The following AHNAK variants were observed in gnomAD, a reference collection of about 807,000 sequenced individuals.
AHNAK encodes neuroblast differentiation-associated protein AHNAK.
AHNAK carries 23 observed loss-of-function variants against 37.8 expected under a neutral mutation model. That is an observed-to-expected ratio of 0.61 (90% CI 0.44 to 0.86). AHNAK has a LOEUF of 0.86. Among genes scored for constraint, AHNAK ranks in the 40% least tolerant of loss-of-function variants. The probability of loss-of-function intolerance (pLI) is 0.00; values close to 1 mark genes in which losing one functional copy is unlikely to be tolerated. For missense variants in AHNAK, 7,411 were observed against 7,319.4 expected (o/e 1.01, Z -0.46); for synonymous variants, 2,481 against 2,636.3 (o/e 0.94, Z 1.80).
chr11:62,514,994 G>A (rs1039267383), downstream of AHNAK, among the ~76,000 whole-genome samples: 1 of 152,160 alleles, frequency 6.6e-6, no homozygotes, highest in Non-Finnish European at 1.5e-5. Context: ...GGCAGAAATG[G>A]GGCATCTCTA....
At chr11:62,475,698 G>T (rs1939130046) in intron 5 of AHNAK, among the ~76,000 whole-genome samples, 2 of 141,616 alleles carry the variant, frequency 1.4e-5, no homozygotes, top group South Asian at 2.3e-4. Flanking sequence ...TCTGCCTTCT[G>T]GTCTCAGGTG....
chr11:62,495,354 TAGAA>T (rs1365675680), intron 4 of AHNAK, among the ~76,000 whole-genome samples: 1 of 152,212 alleles, frequency 6.6e-6, no homozygotes, highest in Non-Finnish European at 1.5e-5. Context: ...AGTTATCCTA[TAGAA>T]AGCATGGCTT....
intron 4 of AHNAK, among the ~76,000 whole-genome samples, chr11:62,505,399 T>C (rs1235467499): frequency 6.6e-6 from 1 of 152,178 alleles, no homozygotes; most frequent in South Asian, 2.1e-4. Flanking sequence ...CAGGGTCTCA[T>C]GCCCTTGATT....
chr11:62,515,624 C>A (rs1939995817), downstream of AHNAK, among the ~76,000 whole-genome samples: 1 of 152,206 alleles, frequency 6.6e-6, no homozygotes, highest in African/African-American at 2.4e-5. Flanking sequence ...CATTTAGAAC[C>A]AATTCTGAAT....
intron 5 of AHNAK, among the ~76,000 whole-genome samples, chr11:62,454,286 G>T (rs563855460): frequency 6.6e-6 from 1 of 150,420 alleles, no homozygotes. Flanking sequence ...GGTGGCGGGC[G>T]CCTGTAGTCC....
rs375299161 is a variant in AHNAK at position 62,534,989 on chromosome 11, G to A, written c.342+14C>T. Reference sequence around the variant, plus strand: ...GGGGAGCTCAGGGCACAGATGGGCCGGCGAGGTACTCACCAGAACCACTTC... The same window carrying A: ...GGGGAGCTCAGGGCACAGATGGGCCAGCGAGGTACTCACCAGAACCACTTC... On this transcript the variant is annotated intron_variant, in intron 4 of 4. Transcript: ENST00000378024. 5.0e-5 allele frequency: 80 copies of A among 1,595,878 alleles called. No individual in the cohort carries two copies. Among genetic ancestry groups the A allele is most frequent in the African/African-American group, 4.5e-4 (34 of 74,752 alleles).
In AHNAK at chr11:62,524,886, A is replaced by T. The variant is rs981784777; in HGVS notation, c.9531T>A (p.Ala3177=). 6.8e-6 allele frequency: 11 copies of T among 1,614,022 alleles called. No individual in the cohort carries two copies. In the African/African-American group the frequency reaches 1.2e-4, roughly 18 times the overall value. ...CCTTGGGTCCTGAGACGTCAAGGTCAGCCTTGGGCAGGTTCACGTCCACTT... is the reference window on the plus strand; with the variant it reads ...CCTTGGGTCCTGAGACGTCAAGGTCTGCCTTGGGCAGGTTCACGTCCACTT... ...GPEVDVNLPK[A]DLDVSGPKVD... The change falls in exon 5 of 5, where the codon GCT becomes GCA. Residue 3177 remains alanine, a synonymous_variant. Coordinates refer to ENST00000378024, the MANE Select transcript of AHNAK (RefSeq NM_001620.3).
chr11:62,532,895 T>A lies in AHNAK; in HGVS notation c.1522A>T (p.Ser508Cys). 6.2e-7 allele frequency: 1 copy of A among 1,614,156 alleles called. No homozygotes were observed. The highest frequency in any genetic ancestry group is 8.5e-7 in the Non-Finnish European group (1 of 1,180,026). Residue 508 changes from serine to cysteine, a missense_variant, in exon 5 of 5, where the codon AGC becomes TGC. Physicochemically the swap from Ser to Cys is moderately radical, Grantham distance 112 (BLOSUM62 -1). Transcript: ENST00000378024. ...PKISMQDVDL[S>C]LGSPKLKGDI... ...CCTTTCAGTTTAGGAGACCCAAGGCTCAGATCCACATCCTGCATGGAGATT... is the reference window on the plus strand; with the variant it reads ...CCTTTCAGTTTAGGAGACCCAAGGCACAGATCCACATCCTGCATGGAGATT...
chr11:62,453,836 A>T (rs1398412374), intron 5 of AHNAK, among the ~76,000 whole-genome samples: 1 of 152,190 alleles, frequency 6.6e-6, no homozygotes, highest in East Asian at 1.9e-4. Flanking sequence ...AATCCTTCCC[A>T]TCTGGCCGGG....
rs1437635198 is a variant in AHNAK, at chr11:62,530,580, G to T, written c.3837C>A (p.Pro1279=). 1.2e-6 allele frequency: 2 copies of T among 1,609,076 alleles called. No individual in the cohort carries two copies. Among genetic ancestry groups the T allele is most frequent in the African/African-American group, 2.7e-5 (2 of 73,192 alleles). ...GTCCTGAGACATCAATGTCAGCCTTGGGCAGGTTCACATCCACTTCTCGGC... is the reference window on the plus strand; with the variant it reads ...GTCCTGAGACATCAATGTCAGCCTTTGGCAGGTTCACATCCACTTCTCGGC... ...GEGREVDVNL[P]KADIDVSGPK... Residue 1279 remains proline (P), a synonymous_variant, in exon 5 of 5, where the codon CCC becomes CCA. Transcript: ENST00000378024.
chr11:62,515,194 C>G (rs2134186002), downstream of AHNAK, among the ~76,000 whole-genome samples: 1 of 152,244 alleles, frequency 6.6e-6, no homozygotes, highest in South Asian at 2.1e-4. Context: ...CTAAAATGGA[C>G]TAGAAAGAAC....
At position 62,529,062 on chromosome 11, in the gene AHNAK, A is replaced by T. The variant is rs369902005; in HGVS notation, c.5355T>A (p.Asp1785Glu). The stretch of plus-strand genomic sequence containing the variant: ...TGGGTCCCTTCAAATTCAAGTCCAC[A>T]TCTGGCATGGAGACCTTGGGAGCTT... ...NIKAPKVSMP[D>E]VDLNLKGPKL... Residue 1785 changes from aspartate (D) to glutamate (E), a missense_variant, in exon 5 of 5, where the codon GAT becomes GAA. Coordinates refer to ENST00000378024, the MANE Select transcript of AHNAK (RefSeq NM_001620.3). The T allele has an allele frequency of 1.4e-5, 23 of 1,614,086 alleles. No homozygotes were observed. The highest frequency in any genetic ancestry group is 1.9e-5 in the Non-Finnish European group (23 of 1,180,036).
Position 62,522,281 on chromosome 11 carries a change from C to T in AHNAK, c.12136G>A (p.Ala4046Thr), listed in dbSNP as rs1940282312. 1 of 1,613,318 alleles carries T rather than the reference C, an allele frequency of 6.2e-7. No individual in the cohort carries two copies. The highest frequency in any genetic ancestry group is 1.3e-5 in the African/African-American group (1 of 74,632). ...GGGCCATGAACATCCACATCTGGGG[C>T]ATCAATGTCCACTTTGGGGCCCTTG... ...DIKGPKVDID[A>T]PDVDVHGPDW... is the part of the protein sequence containing the mutation. Residue 4046 changes from alanine (A) to threonine (T), a missense_variant, in exon 5 of 5, where the codon GCC becomes ACC. Ala to Thr is a moderately conservative substitution (Grantham distance 58). Transcript: ENST00000378024.
Position 62,491,953 on chromosome 11 carries a change from C to G in AHNAK, c.343-122G>C, listed in dbSNP as rs891701259. On this transcript the variant is annotated intron_variant, in intron 4 of 5. Coordinates refer to the AHNAK transcript ENST00000257247. ...ACCCCACGTTTACCACTACCACCCC[C>G]CAACACACCCCAACCCAGCCCAAGC... is the stretch of plus-strand genomic sequence containing the variant. The G allele has an allele frequency of 2.0e-5, 15 of 760,490 alleles. No individual in the cohort carries two copies. The East Asian group carries it at 3.2e-4, about 16-fold the overall frequency. The allele number at this position is 760,490 out of a possible 1,614,324, so 47.1% of individuals were successfully genotyped here.
intron 5 of AHNAK, among the ~76,000 whole-genome samples, chr11:62,486,134 T>C (rs1939388469): frequency 1.3e-5 from 2 of 151,904 alleles, no homozygotes; most frequent in Admixed American, 6.6e-5. Flanking sequence ...ACAAATACTG[T>C]GTCATTCCAC....
chr11:62,461,596 A>T (rs1337709153), intron 5 of AHNAK, among the ~76,000 whole-genome samples: 1 of 152,168 alleles, frequency 6.6e-6, no homozygotes, highest in African/African-American at 2.4e-5. Context: ...AATTCTCCAT[A>T]ATTGAGAATT....
rs771688281 is a variant in AHNAK at position 62,517,728 on chromosome 11, G to A, written c.16689C>T (p.Gly5563=). Residue 5563 remains glycine, a synonymous_variant, in exon 5 of 5, where the codon GGC becomes GGT. Coordinates refer to ENST00000378024, the MANE Select transcript of AHNAK (RefSeq NM_001620.3). ...CATCCGCACCTCCTTTGATTTTTGG[G>A]CCCTTCAAGTTGATGCCAAAATCTG... The part of the protein sequence containing the change: ...PESDFGINLK[G]PKIKGGADVS... 6.2e-7 allele frequency: 1 copy of A among 1,614,130 alleles called. No homozygotes were observed. The highest frequency in any genetic ancestry group is 1.7e-5 in the Admixed American group (1 of 60,012).
In AHNAK at chr11:62,533,076, C is replaced by G. The variant is rs2134244165; in HGVS notation, c.1341G>C (p.Glu447Asp). ...PKFSVSGAKG[E>D]ETGIDVTLPT... ...GCAGTGTCACATCAATCCCAGTTTC[C>G]TCTCCCTTTGCACCTGATACAGAGA... Residue 447 changes from glutamate (E) to aspartate (D), a missense_variant, in exon 5 of 5, where the codon GAG (glutamate) becomes GAC (aspartate). Coordinates refer to ENST00000378024, the MANE Select transcript of AHNAK (RefSeq NM_001620.3). The G allele has an allele frequency of 6.2e-7, 1 of 1,608,298 alleles. No individual in the cohort carries two copies. The highest frequency in any genetic ancestry group is 1.1e-5 in the South Asian group (1 of 90,000).
intron 5 of AHNAK, among the ~76,000 whole-genome samples, chr11:62,452,782 T>C (rs910129140): frequency 1.3e-5 from 2 of 152,016 alleles, no homozygotes; most frequent in Non-Finnish European, 2.9e-5. Context: ...CCCAACACTT[T>C]GGGAGGCCAA....
Sources: gnomAD v4.1 joint callset for allele counts (sites outside exome capture counted in the v4.1 genomes callset) on GRCh38, gnomAD v4.1.1 for gene constraint, MANE v1.5 for transcripts, NCBI Gene and HGNC (gene_info 2026-07-23, HGNC 2026-07-21) for gene names.